The following SLC39A10 variants were observed in gnomAD, a reference collection of about 807,000 sequenced individuals.
SLC39A10 encodes the protein solute carrier family 39 member 10.
A neutral mutation model predicts 65.1 loss-of-function variants in SLC39A10; 13 were observed. The ratio of observed to expected loss-of-function variants is 0.20; its 90% CI spans 0.13 to 0.32. The LOEUF (loss-of-function observed/expected upper bound fraction) is 0.32. Ranked by LOEUF, SLC39A10 falls within the 10% of genes least tolerant of loss-of-function variation. The pLI, the probability that SLC39A10 is intolerant of heterozygous loss-of-function variation, is 1.00. For missense variants in SLC39A10, 831 were observed against 1,018.4 expected (o/e 0.82, Z 2.50); for synonymous variants, 321 against 342.2 (o/e 0.94, Z 0.68).
chr2:195,676,182 C>T (rs1690081747), intron 1 of SLC39A10, among the ~76,000 whole-genome samples: 1 of 146,902 alleles, frequency 6.8e-6, no homozygotes, highest in Non-Finnish European at 1.5e-5. Flanking sequence ...ATAAGCTTCC[C>T]CCTCCCCTGC....
chr2:195,642,955 G>T (rs1051167217), intron 2 of SLC39A10, among the ~76,000 whole-genome samples: 1 of 152,230 alleles, frequency 6.6e-6, no homozygotes, highest in Non-Finnish European at 1.5e-5. Context: ...AAGTAGAGGG[G>T]AGTGGCAGAT....
chr2:195,719,181 C>G (rs1400240257), intron 8 of SLC39A10, among the ~76,000 whole-genome samples: 1 of 150,576 alleles, frequency 6.6e-6, no homozygotes, highest in Admixed American at 6.6e-5. Context: ...TAGAAATGAG[C>G]GCTAGAAATG....
At chr2:195,618,166 C>A (rs1688266942) in intron 2 of SLC39A10, among the ~76,000 whole-genome samples, 1 of 151,854 alleles carries the variant, frequency 6.6e-6, no homozygotes, top group Admixed American at 6.5e-5. Context: ...GCCTGGCCAA[C>A]ATGGTGAAAC....
At chr2:195,699,519 C>A (rs1559039849) in intron 3 of SLC39A10, among the ~76,000 whole-genome samples, 1 of 151,886 alleles carries the variant, frequency 6.6e-6, no homozygotes, top group African/African-American at 2.4e-5. Context: ...TTTCTAATGT[C>A]CCTTGTAATT....
intron 9 of SLC39A10, among the ~76,000 whole-genome samples, chr2:195,733,026 G>A (rs1164596902): frequency 6.6e-6 from 1 of 152,188 alleles, no homozygotes; most frequent in Admixed American, 6.5e-5. Context: ...ATAGCATGCT[G>A]TAGTTCTTAA....
chr2:195,641,811 C>T (rs932849662), intron 2 of SLC39A10, among the ~76,000 whole-genome samples: 1 of 152,054 alleles, frequency 6.6e-6, no homozygotes, highest in African/African-American at 2.4e-5. Context: ...CCTGTCTCAG[C>T]CTCCCAAGTA....
chr2:195,687,592 C>T (rs1407680780), intron 3 of SLC39A10, among the ~76,000 whole-genome samples: 1 of 152,168 alleles, frequency 6.6e-6, no homozygotes, highest in Non-Finnish European at 1.5e-5. Flanking sequence ...TTAGCATTGT[C>T]AGAAATGCAG....
chr2:195,703,513 T>C (rs889758425), intron 3 of SLC39A10, among the ~76,000 whole-genome samples: 1 of 152,214 alleles, frequency 6.6e-6, no homozygotes, highest in Non-Finnish European at 1.5e-5. Context: ...AGGTAGTCTT[T>C]AAAATATTTT....
chr2:195,719,184 T>C (rs1691926414), intron 8 of SLC39A10, among the ~76,000 whole-genome samples: 1 of 152,012 alleles, frequency 6.6e-6, no homozygotes, highest in Admixed American at 6.6e-5. Context: ...AAATGAGCGC[T>C]AGAAATGAGC....
rs1431540747 is a variant in SLC39A10, at chr2:195,716,857, T to A, written c.1917T>A (p.His639Gln). The A allele has an allele frequency of 1.2e-6, 2 of 1,614,036 alleles. No individual in the cohort carries two copies. ...HGENKTVLRK[H>Q]NHQWHHKHSH... ...AGAACAAAACTGTGCTGAGGAAGCA[T>A]AATCACCAGTGGCACCACAAGCATT... Residue 639 changes from histidine (H) to glutamine (Q), a missense_variant, in exon 7 of 10, where the codon CAT becomes CAA. Physicochemically the swap from His to Gln is conservative, Grantham distance 24. Around this residue, in one of 4 missense-constraint regions of SLC39A10, gnomAD observed 230 missense variants for 242.9 expected, o/e 0.95. Transcript: ENST00000359634.
chr2:195,621,806 G>A (rs963261028), intron 2 of SLC39A10, among the ~76,000 whole-genome samples: 8 of 152,134 alleles, frequency 5.3e-5, no homozygotes, highest in African/African-American at 1.9e-4. Context: ...AGTTACCTAT[G>A]ATCATAATAA....
chr2:195,690,631 G>A (rs1394166725), intron 3 of SLC39A10, among the ~76,000 whole-genome samples: 1 of 152,104 alleles, frequency 6.6e-6, no homozygotes, highest in Non-Finnish European at 1.5e-5. Context: ...GTGCTGTTGA[G>A]CATCTTTTCA....
In SLC39A10 at chr2:195,636,779, T is replaced by C. The variant is rs77055819; in HGVS notation, c.-12+30546T>C. ...AGAAAAAAAATTAAAAAGTTTTAAA[T>C]AATCCCAGCACTTTGGGAGGCCAAG... On this transcript the variant is annotated intron_variant, in intron 2 of 2. Transcript: ENST00000458054. 9.9e-3 allele frequency among the ~76,000 whole-genome samples: 1,509 copies of C among 151,968 alleles called. 28 individuals carry two copies. Among genetic ancestry groups the C allele is most frequent in the African/African-American group, 0.034 (1,396 of 41,474 alleles).
In SLC39A10 at chr2:195,691,505, C is replaced by T. The variant is rs112062170; in HGVS notation, c.1216+7599C>T. ...CAGCAGTGTAGAAGTGTTCCCTTTT[C>T]ACCACATCTATGCCAACATCTATTA... On this transcript the variant is annotated intron_variant, in intron 3 of 9. Transcript: ENST00000359634. Among the ~76,000 whole-genome samples the T allele has an allele frequency of 4.9e-3, 752 of 152,306 alleles. 6 individuals are homozygous for T. The highest frequency in any genetic ancestry group is 0.01 in the Middle Eastern group (3 of 294).
At chr2:195,625,504 G>A (rs1351307250) in intron 2 of SLC39A10, among the ~76,000 whole-genome samples, 2 of 151,624 alleles carry the variant, frequency 1.3e-5, no homozygotes, top group African/African-American at 4.8e-5. Flanking sequence ...CTCGAACTCC[G>A]GACCTCAGGT....
upstream of SLC39A10, among the ~76,000 whole-genome samples, chr2:195,656,338 A>G (rs1040512173): frequency 2.0e-5 from 3 of 152,128 alleles, no homozygotes; most frequent in Non-Finnish European, 2.9e-5. Flanking sequence ...GGAGGAGACA[A>G]TTTAGATGGG....
intron 1 of SLC39A10, among the ~76,000 whole-genome samples, chr2:195,665,560 T>C (rs538247076): frequency 1.3e-4 from 20 of 152,330 alleles, no homozygotes; most frequent in African/African-American, 4.8e-4. Flanking sequence ...ATTATTTTAT[T>C]GGTTTGTCAA....
intron 2 of SLC39A10, among the ~76,000 whole-genome samples, chr2:195,624,596 C>T (rs1446876715): frequency 6.6e-6 from 1 of 151,812 alleles, no homozygotes; most frequent in African/African-American, 2.4e-5. Flanking sequence ...AACTTCAAGC[C>T]GGGCACGATG....
intron 1 of SLC39A10, among the ~76,000 whole-genome samples, chr2:195,672,423 ATACC>A (rs1689901433): frequency 6.6e-6 from 1 of 152,136 alleles, no homozygotes; most frequent in Admixed American, 6.6e-5. Context: ...ATGATCCACC[ATACC>A]TGGCCTAAAT....
Sources: allele counts gnomAD v4.1 joint callset (sites outside exome capture counted in the v4.1 genomes callset), GRCh38; gene constraint gnomAD v4.1.1; regional missense constraint gnomAD v4.1.1; transcripts MANE v1.5; gene names NCBI Gene and HGNC (gene_info 2026-07-23, HGNC 2026-07-21).